The following PTPRT variants were observed in gnomAD, a reference collection of about 807,000 sequenced individuals.
The protein encoded by PTPRT is protein tyrosine phosphatase receptor type T.
PTPRT carries 56 observed loss-of-function variants against 176.8 expected under a neutral mutation model. The observed-to-expected ratio is 0.32, with a 90% CI of 0.26 to 0.40. The LOEUF (loss-of-function observed/expected upper bound fraction) is 0.40. PTPRT is among the 10% of genes least tolerant of loss of function. PTPRT has a pLI of 1.00. For synonymous variants in PTPRT, 783 were observed against 739.0 expected (o/e 1.06, Z -0.96); for missense variants, 1,540 against 1,908.2 (o/e 0.81, Z 3.60).
intron 1 of PTPRT, among the ~76,000 whole-genome samples, chr20:43,121,039 T>C (rs1270691088): frequency 1.3e-5 from 2 of 151,854 alleles, no homozygotes; most frequent in African/African-American, 2.4e-5. Flanking sequence ...CCCAGGATAA[T>C]TGCTGTCTTG....
intron 7 of PTPRT, among the ~76,000 whole-genome samples, chr20:42,502,190 G>A (rs940735672): frequency 1.3e-4 from 19 of 151,862 alleles, no homozygotes; most frequent in African/African-American, 4.1e-4. Flanking sequence ...TCATCATTAA[G>A]TATTTTAATA....
intron 12 of PTPRT, among the ~76,000 whole-genome samples, chr20:42,299,889 C>T (rs2057437109): frequency 6.6e-6 from 1 of 151,580 alleles, no homozygotes; most frequent in Non-Finnish European, 1.5e-5. Context: ...CCTCATGATC[C>T]ATTTGCCTCA....
At chr20:42,182,027 C>T (rs1009243340) in intron 16 of PTPRT, among the ~76,000 whole-genome samples, 12 of 152,054 alleles carry the variant, frequency 7.9e-5, no homozygotes, top group Admixed American at 2.0e-4. Flanking sequence ...GAAGACTGTT[C>T]TGGAAAGAGC....
chr20:42,975,442 C>G (rs1004152664), intron 1 of PTPRT, among the ~76,000 whole-genome samples: 1 of 152,144 alleles, frequency 6.6e-6, no homozygotes, highest in Admixed American at 6.5e-5. Context: ...TTTTTGTAAT[C>G]CATTTTCCTA....
intron 1 of PTPRT, among the ~76,000 whole-genome samples, chr20:42,916,592 G>T (rs945867930): frequency 2.0e-5 from 3 of 152,190 alleles, no homozygotes; most frequent in Non-Finnish European, 2.9e-5. Flanking sequence ...CAGTGTAAAA[G>T]TGTTCCTATT....
chr20:42,339,813 G>T (rs2058087611), intron 11 of PTPRT, among the ~76,000 whole-genome samples: 1 of 152,208 alleles, frequency 6.6e-6, no homozygotes, highest in Non-Finnish European at 1.5e-5. Context: ...GAAGTGATGT[G>T]GGGAAATTTT....
chr20:42,951,093 A>G (rs1258603871), intron 1 of PTPRT, among the ~76,000 whole-genome samples: 1 of 152,206 alleles, frequency 6.6e-6, no homozygotes, highest in Non-Finnish European at 1.5e-5. Context: ...AAATAAAATG[A>G]TAGATGGATG....
chr20:42,933,742 G>A (rs1222003297), intron 1 of PTPRT, among the ~76,000 whole-genome samples: 1 of 152,080 alleles, frequency 6.6e-6, no homozygotes, highest in African/African-American at 2.4e-5. Context: ...TCTTTTTGTT[G>A]ATTTACTTTA....
intron 7 of PTPRT, among the ~76,000 whole-genome samples, chr20:42,660,948 T>A (rs1600566205): frequency 2.6e-5 from 4 of 151,860 alleles, no homozygotes; most frequent in Admixed American, 2.6e-4. Flanking sequence ...GCCTCCTGGG[T>A]TTAAGTGATT....
chr20:42,432,380 C>A (rs1010197530), intron 9 of PTPRT, among the ~76,000 whole-genome samples: 1 of 152,210 alleles, frequency 6.6e-6, no homozygotes, highest in Non-Finnish European at 1.5e-5. Flanking sequence ...TTTTCACTTC[C>A]AATATCTTTG....
intron 1 of PTPRT, among the ~76,000 whole-genome samples, chr20:43,112,841 G>A (rs1198265363): frequency 6.6e-6 from 1 of 151,956 alleles, no homozygotes; most frequent in African/African-American, 2.4e-5. Flanking sequence ...ACTCATTCGT[G>A]ATATAAACGT....
chr20:42,609,612 C>A (rs2073939984), intron 7 of PTPRT, among the ~76,000 whole-genome samples: 2 of 152,182 alleles, frequency 1.3e-5, no homozygotes, highest in Admixed American at 1.3e-4. Flanking sequence ...AGCTGGGCTG[C>A]CTCGTTCTTT....
chr20:42,957,747 C>A (rs965759547), intron 1 of PTPRT, among the ~76,000 whole-genome samples: 1 of 152,148 alleles, frequency 6.6e-6, no homozygotes, highest in Non-Finnish European at 1.5e-5. Context: ...AATTTTTTAA[C>A]AAACTCAGAT....
intron 6 of PTPRT, among the ~76,000 whole-genome samples, chr20:42,732,845 T>A (rs2146268147): frequency 6.6e-6 from 1 of 152,234 alleles, no homozygotes; most frequent in Middle Eastern, 3.4e-3. Flanking sequence ...AAATTCAAGG[T>A]GAAAAGGGAA....
At chr20:42,919,544 C>T (rs1414479583) in intron 1 of PTPRT, among the ~76,000 whole-genome samples, 1 of 151,464 alleles carries the variant, frequency 6.6e-6, no homozygotes, top group African/African-American at 2.5e-5. Flanking sequence ...CTATGTGATT[C>T]CGACCTGGCA....
intron 2 of PTPRT, among the ~76,000 whole-genome samples, chr20:42,850,665 C>T (rs533067034): frequency 1.3e-5 from 2 of 152,324 alleles, no homozygotes; most frequent in South Asian, 2.1e-4. Context: ...TTACACATTC[C>T]TTTGTGAGGC....
chr20:42,104,796 G>C, intron 24 of PTPRT, 78 bp from the exon 25 acceptor site: 1 of 1,425,150 alleles, frequency 7.0e-7, no homozygotes, highest in Non-Finnish European at 9.7e-7. Context: ...ATTTAGTGTT[G>C]TGGCTATGAA....
At chr20:43,170,289 A>G (rs1019218983) in intron 1 of PTPRT, among the ~76,000 whole-genome samples, 1 of 152,182 alleles carries the variant, frequency 6.6e-6, no homozygotes, top group Non-Finnish European at 1.5e-5. Flanking sequence ...GCTCACAACC[A>G]TCTAATGAGA....
intron 11 of PTPRT, among the ~76,000 whole-genome samples, chr20:42,327,450 T>C (rs1163786453): frequency 1.3e-5 from 2 of 152,136 alleles, no homozygotes; most frequent in Non-Finnish European, 2.9e-5. Context: ...ACCAGCATTA[T>C]GTCACTTTGA....
Sources: gnomAD v4.1 joint callset for allele counts (sites outside exome capture counted in the v4.1 genomes callset) on GRCh38, gnomAD v4.1.1 for gene constraint, MANE v1.5 for transcripts, NCBI Gene and HGNC (gene_info 2026-07-23, HGNC 2026-07-21) for gene names.